MYCBP2: variants seen among roughly 807,000 people sequenced by gnomAD.
MYCBP2 encodes MYC binding protein 2.
In MYCBP2, 120 loss-of-function variants were observed where a neutral mutation model predicts 525.3. The ratio of observed to expected loss-of-function variants is 0.23; its 90% CI spans 0.20 to 0.27. The LOEUF (loss-of-function observed/expected upper bound fraction) is 0.27. Ranked by LOEUF, MYCBP2 falls within the 10% of genes least tolerant of loss-of-function variation. The pLI is 1.00. For synonymous variants in MYCBP2, 1,894 were observed against 1,955.8 expected, an observed-to-expected ratio of 0.97 and a Z score of 0.83; for missense variants, 4,149 against 5,657.1, an observed-to-expected ratio of 0.73 and a Z score of 8.55.
chr13:77,261,281 T>C lies in MYCBP2; in HGVS notation c.1742A>G (p.Lys581Arg), dbSNP rs199868815. The C allele has an allele frequency of 5.4e-5, 87 of 1,613,596 alleles. No individual in the cohort carries two copies. The highest frequency in any genetic ancestry group is 6.4e-5 in the Non-Finnish European group (75 of 1,179,756). Residue 581 changes from lysine (K) to arginine (R), a missense_variant, in exon 12 of 83, where the codon AAG becomes AGG. Transcript: ENST00000544440. ...WVELPITKSPKIVHFSVGHDG... is the reference protein window; with the variant it reads ...WVELPITKSPRIVHFSVGHDG... ...GTGTCCAACTGAGAAGTGTACTATC[T>C]TTGGAGATTTTGTAATTGGTAGCTC...
At position 77,271,282 on chromosome 13, in the gene MYCBP2, C is replaced by T. The variant is rs141165815; in HGVS notation, c.946-744G>A. On this transcript the variant is annotated intron_variant, in intron 5 of 82. Coordinates refer to ENST00000544440, the MANE Select transcript of MYCBP2 (RefSeq NM_015057.5). ...ATTAATTTGTTTCTGAGCTCAAATG[C>T]AATAAATAGTGTTTTATTTGCAGAA... 1.1e-3 allele frequency among the ~76,000 whole-genome samples: 170 copies of T among 152,188 alleles called. 1 individual carries two copies. Among genetic ancestry groups the T allele is most frequent in the Non-Finnish European group, 2.2e-3 (148 of 68,008 alleles).
At chr13:77,160,012 A>C (rs2057697193) in intron 44 of MYCBP2, among the ~76,000 whole-genome samples, 1 of 151,862 alleles carries the variant, frequency 6.6e-6, no homozygotes, top group Non-Finnish European at 1.5e-5. Context: ...TCTTAACATT[A>C]TTGACAACAC....
chr13:77,059,689 C>A (rs889691994), intron 76 of MYCBP2, 63 bp from the exon 77 acceptor site: 8 of 1,273,744 alleles, frequency 6.3e-6, no homozygotes, highest in East Asian at 2.3e-5. Context: ...GTTAACAGAA[C>A]TAAATTTTAA....
intron 82 of MYCBP2, 50 bp downstream of exon 82, chr13:77,050,947 A>G: frequency 1.4e-6 from 2 of 1,464,988 alleles, no homozygotes; most frequent in Non-Finnish European, 1.9e-6. Context: ...GTTTACATAA[A>G]ACTATGGTAT....
In MYCBP2 at chr13:77,051,907, A is replaced by G. The variant is rs763711734; in HGVS notation, c.13659T>C (p.Gly4553=). ...CCTCAGCATCGCAGCGAGCTTCACC[A>G]CCAAAATATGCCTGTGGAGAAAACA... ...VCYKCRKAYF[G]GEARCDAEAG... is the part of the protein sequence containing the mutation. The change falls in exon 81 of 83, where the codon GGT becomes GGC. Residue 4553 remains glycine, a synonymous_variant. Coordinates refer to ENST00000544440, the MANE Select transcript of MYCBP2 (RefSeq NM_015057.5). The G allele has an allele frequency of 9.9e-6, 16 of 1,614,008 alleles. No homozygotes were observed. Among genetic ancestry groups the G allele is most frequent in the Admixed American group, 3.3e-5 (2 of 60,028 alleles).
chr13:77,181,133 GAAAA>G (rs1344142063), intron 33 of MYCBP2, among the ~76,000 whole-genome samples: 5 of 151,982 alleles, frequency 3.3e-5, no homozygotes, highest in African/African-American at 1.2e-4. Flanking sequence ...CCTACCGGTA[GAAAA>G]ATTTCAAGAA....
In MYCBP2 at chr13:77,296,604, T is replaced by A; in HGVS notation, c.373A>T (p.Ser125Cys). 6.3e-7 allele frequency: 1 copy of A among 1,582,882 alleles called. No homozygotes were observed. Among genetic ancestry groups the A allele is most frequent in the Non-Finnish European group, 8.5e-7 (1 of 1,169,748 alleles). Residue 125 changes from serine (S) to cysteine (C), a missense_variant, in exon 2 of 83, where the codon AGC (serine) becomes TGC (cysteine). Physicochemically the swap from Ser to Cys is moderately radical, Grantham distance 112. Transcript: ENST00000544440. ...TCAATTACCAGCAGCTTTACCTTGC[T>A]TCTTGTCTTCACTTTTGATTTGCTC... Reference protein sequence around the residue: ...QKSKSKVKTRSKSENLENTVI... With the variant: ...QKSKSKVKTRCKSENLENTVI...
chr13:77,268,972 A>G (rs1418418717), intron 7 of MYCBP2, among the ~76,000 whole-genome samples: 1 of 152,200 alleles, frequency 6.6e-6, no homozygotes, highest in Non-Finnish European at 1.5e-5. Context: ...TTATCCTTAT[A>G]CAAAGGAACT....
chr13:77,206,604 G>A, intron 24 of MYCBP2, 49 bp downstream of exon 24: 3 of 1,466,692 alleles, frequency 2.0e-6, no homozygotes, highest in Non-Finnish European at 2.7e-6. Flanking sequence ...AAAAACCCTG[G>A]ACAGCACACA....
At chr13:77,102,112 A>G (rs192890432) in intron 55 of MYCBP2, among the ~76,000 whole-genome samples, 11 of 151,968 alleles carry the variant, frequency 7.2e-5, no homozygotes, top group Non-Finnish European at 1.3e-4. Context: ...GTAAGCATTC[A>G]TTCACTAAAT....
intron 38 of MYCBP2, among the ~76,000 whole-genome samples, chr13:77,170,989 A>C (rs1237732692): frequency 6.6e-6 from 1 of 152,210 alleles, no homozygotes; most frequent in African/African-American, 2.4e-5. Flanking sequence ...ACCCTATATT[A>C]AAAAATGAAA....
intron 40 of MYCBP2, among the ~76,000 whole-genome samples, chr13:77,167,329 G>A (rs1193193243): frequency 6.6e-6 from 1 of 152,166 alleles, no homozygotes; most frequent in East Asian, 1.9e-4. Context: ...AACATATAAA[G>A]GGAGCCTGGA....
chr13:77,324,932 C>A (rs1328999710), intron 1 of MYCBP2, among the ~76,000 whole-genome samples: 1 of 152,172 alleles, frequency 6.6e-6, no homozygotes, highest in Non-Finnish European at 1.5e-5. Flanking sequence ...CAAAATTATA[C>A]CTAATTATCA....
chr13:77,301,217 C>T (rs977556475), intron 1 of MYCBP2, among the ~76,000 whole-genome samples: 1 of 151,710 alleles, frequency 6.6e-6, no homozygotes, highest in South Asian at 2.1e-4. Context: ...GAGTTCGAGA[C>T]CAGCTTGGCC....
At chr13:77,141,929 CTT>C (rs1318135233) in intron 49 of MYCBP2, among the ~76,000 whole-genome samples, 1 of 152,000 alleles carries the variant, frequency 6.6e-6, no homozygotes, top group Non-Finnish European at 1.5e-5. Context: ...TCGGAGAAAA[CTT>C]AGGAAGAAGA....
At chr13:77,190,905 T>C (rs1250919135) in intron 28 of MYCBP2, among the ~76,000 whole-genome samples, 1 of 152,232 alleles carries the variant, frequency 6.6e-6, no homozygotes, top group Non-Finnish European at 1.5e-5. Flanking sequence ...CTGGAATATA[T>C]ACTGTTATAT....
At chr13:77,324,909 G>A (rs1470326058) in intron 1 of MYCBP2, among the ~76,000 whole-genome samples, 1 of 152,232 alleles carries the variant, frequency 6.6e-6, no homozygotes, top group Admixed American at 6.5e-5. Context: ...CCATAATTTA[G>A]AGATTTACAG....
At chr13:77,147,371 A>T (rs2055766220) in intron 47 of MYCBP2, among the ~76,000 whole-genome samples, 1 of 152,076 alleles carries the variant, frequency 6.6e-6, no homozygotes, top group Admixed American at 6.6e-5. Context: ...AATTATGGTA[A>T]AATGTAAAGA....
intron 5 of MYCBP2, chr13:77,272,371 C>T (rs2075013999): frequency 1.3e-5 from 2 of 152,134 alleles, no homozygotes; most frequent in African/African-American, 2.4e-5. Context: ...TATACTCCTG[C>T]TATGAGCTCT....
Sources: gnomAD v4.1 joint callset for allele counts (sites outside exome capture counted in the v4.1 genomes callset) on GRCh38, gnomAD v4.1.1 for gene constraint, MANE v1.5 for transcripts, NCBI Gene and HGNC (gene_info 2026-07-23, HGNC 2026-07-21) for gene names.